The following SULF1 variants were observed in gnomAD, a reference collection of about 807,000 sequenced individuals.
The protein encoded by SULF1 is extracellular sulfatase Sulf-1.
SULF1 carries 46 observed loss-of-function variants against 110.5 expected under a neutral mutation model. The observed-to-expected ratio is 0.42, with a 90% CI of 0.33 to 0.53. SULF1 has a LOEUF of 0.53. Among genes scored for constraint, SULF1 ranks in the 20% least tolerant of loss-of-function variants. SULF1 has a pLI of 0.12. For synonymous variants in SULF1, 371 were observed against 387.1 expected, an observed-to-expected ratio of 0.96 and a Z score of 0.49; for missense variants, 941 against 1,094.2, an observed-to-expected ratio of 0.86 and a Z score of 1.98.
intron 3 of SULF1, among the ~76,000 whole-genome samples, chr8:69,562,104 G>A (rs2150716572): frequency 6.6e-6 from 1 of 152,342 alleles, no homozygotes; most frequent in East Asian, 1.9e-4. Context: ...GCAGACACTA[G>A]AGTTTTGTTT....
chr8:69,593,759 A>T (rs1807078455), intron 8 of SULF1, among the ~76,000 whole-genome samples: 1 of 152,184 alleles, frequency 6.6e-6, no homozygotes, highest in Non-Finnish European at 1.5e-5. Context: ...ATAATAACAC[A>T]CATAATAATC....
At chr8:69,645,038 C>G (rs1811782847) in intron 22 of SULF1, among the ~76,000 whole-genome samples, 1 of 140,630 alleles carries the variant, frequency 7.1e-6, no homozygotes, top group Non-Finnish European at 1.5e-5. Context: ...TGAGATTGGC[C>G]CCCCTAAGGT....
chr8:69,554,627 C>T lies in SULF1; in HGVS notation c.-133-8912C>T, dbSNP rs79206683. On this transcript the variant is annotated intron_variant, in intron 3 of 22. Transcript: ENST00000402687. ...TTAGGAAAGTTATGGTTTTAGAAAT[C>T]TCCTGTTGTATCTCTTGAGTTGTTA... is the stretch of plus-strand genomic sequence containing the variant. Among the ~76,000 whole-genome samples, 121 of 151,782 alleles carry T rather than the reference C, an allele frequency of 8.0e-4. 1 individual carries two copies. Among genetic ancestry groups the T allele is most frequent in the African/African-American group, 2.9e-3 (118 of 41,358 alleles).
upstream of SULF1, among the ~76,000 whole-genome samples, chr8:69,487,876 G>A (rs1050365723): frequency 2.6e-5 from 4 of 152,256 alleles, no homozygotes; most frequent in South Asian, 2.1e-4. Context: ...GTCTAAGAAC[G>A]TGTGTCGAAA....
At chr8:69,648,995 AT>A (rs1310245551) in intron 22 of SULF1, among the ~76,000 whole-genome samples, 2 of 152,190 alleles carry the variant, frequency 1.3e-5, no homozygotes, top group Admixed American at 1.3e-4. Flanking sequence ...GTAATGTGAA[AT>A]CATCTACATT....
chr8:69,480,179 T>C (rs561944721), intron 1 of SULF1, among the ~76,000 whole-genome samples: 1 of 152,294 alleles, frequency 6.6e-6, no homozygotes, highest in East Asian at 1.9e-4. Context: ...CTGTTGATGA[T>C]GACAATATTA....
chr8:69,616,123 A>ATACAC (rs1364997032), intron 13 of SULF1, among the ~76,000 whole-genome samples: 5 of 140,900 alleles, frequency 3.5e-5, no homozygotes, highest in Non-Finnish European at 7.7e-5. Flanking sequence ...GTGTATATAT[A>ATACAC]ATGTGTATAT....
intron 1 of SULF1, among the ~76,000 whole-genome samples, chr8:69,476,839 G>A (rs1586191971): frequency 6.6e-6 from 1 of 152,198 alleles, no homozygotes; most frequent in Non-Finnish European, 1.5e-5. Context: ...CCAGTGCAAC[G>A]AACCAGAGAG....
intron 3 of SULF1, among the ~76,000 whole-genome samples, chr8:69,525,459 C>T (rs1345351377): frequency 6.6e-6 from 1 of 152,042 alleles, no homozygotes; most frequent in African/African-American, 2.4e-5. Context: ...CAGCAGGTGG[C>T]TCATTTTACA....
rs565281163 is a variant in SULF1 at position 69,582,188 on chromosome 8, GA to G, written c.413-4160del. 2.8e-3 allele frequency among the ~76,000 whole-genome samples: 419 copies of G among 151,424 alleles called. 1 individual carries two copies. Among genetic ancestry groups the G allele is most frequent in the African/African-American group, 7.1e-3 (294 of 41,280 alleles). ...CAACAATGAAGTAACTTAAAGTGCA[GA>G]AAAAAAAATTAAAACTAATTAAGCA... On this transcript the variant is annotated intron_variant, in intron 6 of 22. Coordinates refer to ENST00000402687, the MANE Select transcript of SULF1 (RefSeq NM_001128205.2).
intron 3 of SULF1, among the ~76,000 whole-genome samples, chr8:69,522,258 C>A (rs1812362131): frequency 6.6e-6 from 1 of 152,076 alleles, no homozygotes. Flanking sequence ...ACCATGTTGA[C>A]CAGGCTGAAC....
intron 5 of SULF1, among the ~76,000 whole-genome samples, chr8:69,567,303 C>T (rs1301415930): frequency 6.6e-6 from 1 of 152,026 alleles, no homozygotes; most frequent in Non-Finnish European, 1.5e-5. Flanking sequence ...TGCTCATAAT[C>T]CTTCTAGAAC....
upstream of SULF1, among the ~76,000 whole-genome samples, chr8:69,490,419 GT>G (rs1809889490): frequency 6.6e-6 from 1 of 152,136 alleles, no homozygotes; most frequent in Non-Finnish European, 1.5e-5. Flanking sequence ...TAATGAGGAA[GT>G]TAAACAAGAG....
At chr8:69,589,165 G>T (rs201530049) in intron 8 of SULF1, 24 bp downstream of exon 8, 1 of 1,604,544 alleles carries the variant, frequency 6.2e-7, no homozygotes, top group East Asian at 2.2e-5. Context: ...TCAACTCTGC[G>T]ACCTGCCGAA....
At chr8:69,483,312 T>TA (rs1809581292) in intron 1 of SULF1, among the ~76,000 whole-genome samples, 1 of 152,172 alleles carries the variant, frequency 6.6e-6, no homozygotes, top group Non-Finnish European at 1.5e-5. Flanking sequence ...TCATACTACT[T>TA]ATTGCAAACT....
intron 18 of SULF1, 74 bp from the exon 19 acceptor site, chr8:69,629,428 ACT>A: frequency 6.9e-7 from 1 of 1,441,556 alleles, no homozygotes; most frequent in African/African-American, 1.4e-5. Context: ...TTTGTGCAAG[ACT>A]CACAGCAACA....
chr8:69,579,545 TCACA>T (rs745559296), intron 6 of SULF1, among the ~76,000 whole-genome samples: 26 of 131,792 alleles, frequency 2.0e-4, no homozygotes, highest in African/African-American at 3.8e-4. Context: ...CAAGACTCTG[TCACA>T]CACACACACA....
Position 69,624,163 on chromosome 8 carries a change from G to C in SULF1, c.1816G>C (p.Val606Leu), listed in dbSNP as rs146445328. ...GATGCTGGCAGATAGCAGCAACGCC[G>C]TGGGCCCACCTACCACTGTCCGAGT... is the stretch of plus-strand genomic sequence containing the variant. ...GRMLADSSNA[V>L]GPPTTVRVTH... Residue 606 changes from valine (V) to leucine (L), a missense_variant, in exon 15 of 23, where the codon GTG becomes CTG. Around this residue, in one of 3 missense-constraint regions of SULF1, gnomAD observed 822 missense variants for 934.3 expected, o/e 0.88. Coordinates refer to ENST00000402687, the MANE Select transcript of SULF1 (RefSeq NM_001128205.2). 8.8e-5 allele frequency: 141 copies of C among 1,608,196 alleles called. No homozygotes were observed. The highest frequency in any genetic ancestry group is 1.2e-4 in the Non-Finnish European group (138 of 1,176,466).
At chr8:69,634,900 C>G (rs561709047) in intron 19 of SULF1, among the ~76,000 whole-genome samples, 2 of 152,168 alleles carry the variant, frequency 1.3e-5, no homozygotes, top group African/African-American at 4.8e-5. Flanking sequence ...CTCCGCCTCC[C>G]GGGTTCAAGT....
Sources: gnomAD v4.1 joint callset for allele counts (sites outside exome capture counted in the v4.1 genomes callset) on GRCh38, gnomAD v4.1.1 for gene constraint, gnomAD v4.1.1 regional missense constraint, MANE v1.5 for transcripts, NCBI Gene and HGNC (gene_info 2026-07-23, HGNC 2026-07-21) for gene names.